Variants in GALNT10 observed in about 807,000 individuals in gnomAD.
The protein encoded by GALNT10 is polypeptide N-acetylgalactosaminyltransferase 10.
In GALNT10, 41 loss-of-function variants were observed where a neutral mutation model predicts 75.0. The ratio of observed to expected loss-of-function variants is 0.55; its 90% CI spans 0.43 to 0.71. GALNT10 has a LOEUF of 0.71. Ranked by LOEUF, GALNT10 falls within the 30% of genes least tolerant of loss-of-function variation. The pLI is 0.00. For synonymous variants in GALNT10, 302 were observed against 313.0 expected, an observed-to-expected ratio of 0.96 and a Z score of 0.37; for missense variants, 727 against 818.5, an observed-to-expected ratio of 0.89 and a Z score of 1.36.
At position 154,402,289 on chromosome 5, in the gene GALNT10, C is replaced by G. The variant is rs1026775983; in HGVS notation, c.1057-1815C>G. Among the ~76,000 whole-genome samples, 2 of 152,198 alleles carry G rather than the reference C, an allele frequency of 1.3e-5. No homozygotes were observed. The highest frequency in any genetic ancestry group is 2.9e-5 in the Non-Finnish European group (2 of 68,026). ...TGGCTTTCTTTTTGATTATGCCAAG[C>G]TTGGCCCTGCCCTGGTGCCTTTGCA... On this transcript the variant is annotated intron_variant, in intron 7 of 11. Transcript: ENST00000297107. This position sits in a 1 kb window ranked among gnomAD's most constrained non-coding sequence, Gnocchi z 4.2.
intron 4 of GALNT10, among the ~76,000 whole-genome samples, chr5:154,365,041 G>A (rs1755454598): frequency 6.6e-6 from 1 of 152,198 alleles, no homozygotes; most frequent in South Asian, 2.1e-4. Flanking sequence ...GCTGAAAAGG[G>A]ACCAAGGCAT....
chr5:154,228,718 T>A (rs981015807), intron 1 of GALNT10, among the ~76,000 whole-genome samples: 3 of 152,194 alleles, frequency 2.0e-5, no homozygotes, highest in African/African-American at 7.2e-5. Context: ...TGGTATAGAG[T>A]GAACTGCCAA....
Position 154,418,923 on chromosome 5 carries a change from T to G in GALNT10, c.*1951T>G, listed in dbSNP as rs568191777. ...TAGGATAACAAGAGTGTTGACAGTT[T>G]GAGGAGTCGAATTGAGATTCATCAT... is the stretch of plus-strand genomic sequence containing the variant. On this transcript the variant is annotated 3_prime_UTR_variant, in exon 12 of 12. Coordinates refer to ENST00000297107, the MANE Select transcript of GALNT10 (RefSeq NM_198321.4). 5 of 152,670 alleles carry G rather than the reference T, an allele frequency of 3.3e-5. No individual in the cohort carries two copies. In the South Asian group the frequency reaches 1.0e-3, roughly 32 times the overall value. 9.5% of individuals were successfully genotyped at this position (152,670 alleles called of 1,614,324 possible). A position where few individuals can be genotyped will look rare whatever the true frequency, so the allele number is the denominator to read the frequency against.
In GALNT10 at chr5:154,418,902, A is replaced by C. The variant is rs1756574848; in HGVS notation, c.*1930A>C. ...GATGAGGCCCCTTCTAGAATCTAGG[A>C]TAACAAGAGTGTTGACAGTTTGAGG... On this transcript the variant is annotated 3_prime_UTR_variant, in exon 12 of 12. Transcript: ENST00000297107. The C allele has an allele frequency of 1.3e-5, 2 of 152,592 alleles. No individual in the cohort carries two copies. Among genetic ancestry groups the C allele is most frequent in the South Asian group, 2.1e-4 (1 of 4,822 alleles). The allele number at this position is 152,592 out of a possible 1,614,324, so 9.5% of individuals were successfully genotyped here.
intron 4 of GALNT10, among the ~76,000 whole-genome samples, chr5:154,357,867 A>G (rs886299785): frequency 3.3e-5 from 5 of 152,128 alleles, no homozygotes. Flanking sequence ...TGGACATTTG[A>G]CTTACCCAAG....
intron 4 of GALNT10, among the ~76,000 whole-genome samples, chr5:154,370,124 C>T (rs1318720537): frequency 6.6e-6 from 1 of 152,342 alleles, no homozygotes; most frequent in East Asian, 1.9e-4. Context: ...AGCTGTGTAG[C>T]CTTGGACAAG....
chr5:154,217,119 G>A (rs970440539), intron 1 of GALNT10, among the ~76,000 whole-genome samples: 1 of 152,168 alleles, frequency 6.6e-6, no homozygotes, highest in African/African-American at 2.4e-5. Context: ...TGATAAATTA[G>A]ATCATCCCTC....
At position 154,310,449 on chromosome 5, in the gene GALNT10, TTTTGTTTG is replaced by T. The variant is rs70978535; in HGVS notation, c.401+12394_401+12401del. Among the ~76,000 whole-genome samples, 9 of 125,270 alleles carry T rather than the reference TTTTGTTTG, an allele frequency of 7.2e-5. No individual in the cohort carries two copies. The South Asian group carries it at 1.2e-3, about 17-fold the overall frequency. 82.2% of individuals were successfully genotyped at this position (125,270 alleles called of 152,430 possible). On this transcript the variant is annotated intron_variant, in intron 3 of 11. Transcript: ENST00000297107. ...ATCACTGGGTTTTTTTTGTTTTTTTTTTTGTTTGTTTGTTTGTTTGTTTGTTTGTTTTG... is the reference window on the plus strand; with the variant it reads ...ATCACTGGGTTTTTTTTGTTTTTTTTTTTGTTTGTTTGTTTGTTTGTTTTG...
intron 4 of GALNT10, among the ~76,000 whole-genome samples, chr5:154,375,202 C>T (rs1755635699): frequency 6.6e-6 from 1 of 152,124 alleles, no homozygotes; most frequent in Non-Finnish European, 1.5e-5. Context: ...TTTTTCTTAC[C>T]AGTTACACTG....
intron 6 of GALNT10, among the ~76,000 whole-genome samples, chr5:154,382,700 G>A (rs1561677669): frequency 1.3e-5 from 2 of 152,182 alleles, no homozygotes; most frequent in South Asian, 2.1e-4. Context: ...TCCAGAAAAT[G>A]GAATTTTCAG....
At chr5:154,326,737 T>C (rs1473072215) in intron 3 of GALNT10, among the ~76,000 whole-genome samples, 1 of 152,174 alleles carries the variant, frequency 6.6e-6, no homozygotes, top group African/African-American at 2.4e-5. Context: ...AGCAGCTAGC[T>C]GGCAGGAGGG....
intron 4 of GALNT10, among the ~76,000 whole-genome samples, chr5:154,359,406 G>T (rs573563773): frequency 1.3e-5 from 2 of 151,944 alleles, no homozygotes; most frequent in African/African-American, 4.8e-5. Context: ...GTGACCAGAC[G>T]TGCCTCCTAA....
chr5:154,396,801 T>A (rs1582010762), intron 7 of GALNT10, among the ~76,000 whole-genome samples: 1 of 152,298 alleles, frequency 6.6e-6, no homozygotes, highest in South Asian at 2.1e-4. Flanking sequence ...AATTTATTAA[T>A]TTAGATGCAC....
intron 1 of GALNT10, among the ~76,000 whole-genome samples, chr5:154,243,977 A>G (rs1019959615): frequency 6.6e-6 from 1 of 152,202 alleles, no homozygotes; most frequent in Non-Finnish European, 1.5e-5. Context: ...ATAGATGAGG[A>G]TAAGAGGCCC....
Position 154,310,447 on chromosome 5 carries a change from T to TG in GALNT10, c.401+12368_401+12369insG, listed in dbSNP as rs1561657494. 3.4e-3 allele frequency among the ~76,000 whole-genome samples: 281 copies of TG among 83,558 alleles called. 1 individual carries two copies. The highest frequency in any genetic ancestry group is 0.01 in the African/African-American group (278 of 26,626). The allele number at this position is 83,558 out of a possible 152,430, so 54.8% of individuals were successfully genotyped here. Reference sequence around the variant, plus strand: ...CCATCACTGGGTTTTTTTTGTTTTTTTTTTTGTTTGTTTGTTTGTTTGTTT... The same window carrying TG: ...CCATCACTGGGTTTTTTTTGTTTTTTGTTTTTGTTTGTTTGTTTGTTTGTTT... On this transcript the variant is annotated intron_variant, in intron 3 of 11. Transcript: ENST00000297107.
intron 4 of GALNT10, chr5:154,356,339 A>G: frequency 3.0e-5 from 12 of 400,526 alleles, no homozygotes; most frequent in South Asian, 2.2e-4. Flanking sequence ...TGGGGAAAGC[A>G]AGGAGACAGT....
At chr5:154,215,383 G>A (rs1029554882) in intron 1 of GALNT10, among the ~76,000 whole-genome samples, 2 of 152,170 alleles carry the variant, frequency 1.3e-5, no homozygotes, top group African/African-American at 4.8e-5. Flanking sequence ...TTGGGAGGCT[G>A]AGGCAGGAGA....
intron 1 of GALNT10, among the ~76,000 whole-genome samples, chr5:154,198,539 G>T (rs1288155226): frequency 6.6e-6 from 1 of 152,256 alleles, no homozygotes; most frequent in Non-Finnish European, 1.5e-5. Context: ...AGAACTGGAA[G>T]AAGCCAGGTG....
intron 3 of GALNT10, among the ~76,000 whole-genome samples, chr5:154,302,734 C>T (rs1754379180): frequency 6.6e-6 from 1 of 152,292 alleles, no homozygotes; most frequent in South Asian, 2.1e-4. Flanking sequence ...CTACCAGATC[C>T]CTCCTTCCAT....
Sources: gnomAD v4.1 joint callset for allele counts (sites outside exome capture counted in the v4.1 genomes callset) on GRCh38, gnomAD v4.1.1 for gene constraint, Gnocchi (gnomAD v3.1) non-coding constraint, MANE v1.5 for transcripts, NCBI Gene and HGNC (gene_info 2026-07-23, HGNC 2026-07-21) for gene names.